Variants in DCHS1 observed in about 807,000 individuals in gnomAD.
DCHS1 encodes protocadherin-16.
In DCHS1, 78 loss-of-function variants were observed where a neutral mutation model predicts 213.9. The observed-to-expected ratio is 0.36, with a 90% CI of 0.30 to 0.44. DCHS1 has a LOEUF of 0.44. Ranked by LOEUF, DCHS1 falls within the 20% of genes least tolerant of loss-of-function variation. The pLI is 1.00. For synonymous variants in DCHS1, 1,828 were observed against 1,873.7 expected, an observed-to-expected ratio of 0.98 and a Z score of 0.63; for missense variants, 3,946 against 4,395.9, an observed-to-expected ratio of 0.90 and a Z score of 2.89.
At chr11:6,639,222 T>G (rs1453709986) in intron 2 of DCHS1, among the ~76,000 whole-genome samples, 1 of 152,212 alleles carries the variant, frequency 6.6e-6, no homozygotes, top group Non-Finnish European at 1.5e-5. Context: ...TCCAGTTTCA[T>G]GTTCCCTCCA....
At position 6,623,038 on chromosome 11, in the gene DCHS1, C is replaced by T. The variant is rs1383439621; in HGVS notation, c.8638G>A (p.Gly2880Arg). 80 of 1,574,284 alleles carry T rather than the reference C, an allele frequency of 5.1e-5. No individual in the cohort carries two copies. The highest frequency in any genetic ancestry group is 3.3e-4 in the Middle Eastern group (2 of 6,032). ...CCCCCACCCCCAGAGGTGGCTGTTCCGCTGCCTGGTGCCCGACTGTCCACC... is the reference window on the plus strand; with the variant it reads ...CCCCCACCCCCAGAGGTGGCTGTTCTGCTGCCTGGTGCCCGACTGTCCACC... Reference protein sequence around the residue: ...LRVDSRAPGSGTATSGGGGRT... With the variant: ...LRVDSRAPGSRTATSGGGGRT... The change falls in exon 21 of 21, where the codon GGA becomes AGA. Residue 2880 changes from glycine (G) to arginine (R), a missense_variant. Gly to Arg is a moderately radical substitution (Grantham distance 125, BLOSUM62 -2). This residue lies in a region of DCHS1 where 554 missense variants were observed against 590.2 expected (regional missense o/e 0.94). Coordinates refer to ENST00000299441, the MANE Select transcript of DCHS1 (RefSeq NM_003737.4).
rs532362682 is a variant in DCHS1 at position 6,652,997 on chromosome 11, A to C, written c.-121+2566T>G. Among the ~76,000 whole-genome samples the C allele has an allele frequency of 3.3e-5, 5 of 152,300 alleles. No individual in the cohort carries two copies. The East Asian group carries it at 9.6e-4, about 29-fold the overall frequency. Reference sequence around the variant, plus strand: ...CTCAGGCTCTTTCTCCAGTCTCCACATGGCTGTCAGAGTGGTATTTCTAAA... The same window carrying C: ...CTCAGGCTCTTTCTCCAGTCTCCACCTGGCTGTCAGAGTGGTATTTCTAAA... On this transcript the variant is annotated intron_variant, in intron 1 of 20. Transcript: ENST00000299441.
At position 6,625,144 on chromosome 11, in the gene DCHS1, C is replaced by T. The variant is rs1589953373; in HGVS notation, c.7146+54G>A. 1.3e-6 allele frequency: 2 copies of T among 1,530,050 alleles called. 1 individual carries two copies. The highest frequency in any genetic ancestry group is 3.6e-4 in the Middle Eastern group (2 of 5,624). The allele number at this position is 1,530,050 out of a possible 1,614,324, so 94.8% of individuals were successfully genotyped here. ...AGCAGCTGCTAGCTCTGATACTTCC[C>T]TCCAACAGGAACAACCCAGGCCCAG... On this transcript the variant is annotated intron_variant, in intron 19 of 20. Transcript: ENST00000299441. The surrounding 1 kb of genome is among the most constrained non-coding windows in gnomAD (Gnocchi z 5.3).
rs780563697 is a variant in DCHS1 at position 6,632,711 on chromosome 11, A to C, written c.2801T>G (p.Leu934Arg). ...GGTGAAGGCTCCACCACCCCCAGCA[A>C]GCAGGGTAAAGGTGACTCGACTGTT... ...GVNSRVTFTLLAGGGGAFTVD... is the reference protein window; with the variant it reads ...GVNSRVTFTLRAGGGGAFTVD... The change falls in exon 6 of 21, where the codon CTT becomes CGT. Residue 934 changes from leucine to arginine, a missense_variant. Physicochemically the swap from Leu to Arg is moderately radical, Grantham distance 102. Transcript: ENST00000299441. This position sits in a 1 kb window ranked among gnomAD's most constrained non-coding sequence, Gnocchi z 5.9. The C allele has an allele frequency of 6.3e-7, 1 of 1,597,936 alleles. No homozygotes were observed.
In DCHS1 at chr11:6,641,820, T is replaced by G; in HGVS notation, c.-120-87A>C. The G allele has an allele frequency of 8.8e-7, 1 of 1,130,932 alleles. No individual in the cohort carries two copies. 70.1% of individuals were successfully genotyped at this position (1,130,932 alleles called of 1,614,324 possible). A position where few individuals can be genotyped will look rare whatever the true frequency, so the allele number is the denominator to read the frequency against. ...GGACGAGGCCACATCAACATTCAGA[T>G]ATGCTCAGCCCCCAGCAGGCCCTTG... On this transcript the variant is annotated intron_variant, in intron 1 of 20. Coordinates refer to ENST00000299441, the MANE Select transcript of DCHS1 (RefSeq NM_003737.4). The surrounding 1 kb of genome is among the most constrained non-coding windows in gnomAD (Gnocchi z 7.1).
chr11:6,631,843 G>A, intron 6 of DCHS1, 34 bp from the exon 7 acceptor site: 1 of 1,501,196 alleles, frequency 6.7e-7, no homozygotes, highest in African/African-American at 1.4e-5. Flanking sequence ...TGTACGAGAT[G>A]TTTAAGGATG....
At chr11:6,631,260 G>C in intron 8 of DCHS1, 50 bp from the exon 9 acceptor site, 1 of 1,613,838 alleles carries the variant, frequency 6.2e-7, no homozygotes, top group Non-Finnish European at 8.5e-7. Flanking sequence ...AGCTGGGCAG[G>C]CCATGAGGGC....
chr11:6,631,922 C>A (rs1320941566), intron 6 of DCHS1, 109 bp downstream of exon 6: 27 of 1,448,892 alleles, frequency 1.9e-5, no homozygotes, highest in Non-Finnish European at 2.5e-5. Context: ...AGGGCTAAAT[C>A]CTCATTCTCA....
At position 6,629,530 on chromosome 11, in the gene DCHS1, A is replaced by T. The variant is rs374733838; in HGVS notation, c.5083T>A (p.Ser1695Thr). 2 of 1,613,478 alleles carry T rather than the reference A, an allele frequency of 1.2e-6. No individual in the cohort carries two copies. Among genetic ancestry groups the T allele is most frequent in the African/African-American group, 2.7e-5 (2 of 74,932 alleles). ...AGAACACCAGTGTCAGGATCCAGAG[A>T]AAAGCTTTCGCTAGAGACGCCTCCA... ...TYGGVSSESF[S>T]LDPDTGVLTT... The change falls in exon 12 of 21, where the codon TCT (serine) becomes ACT (threonine). Residue 1695 changes from serine (S) to threonine (T), a missense_variant. Ser to Thr is a moderately conservative substitution (Grantham distance 58). Coordinates refer to ENST00000299441, the MANE Select transcript of DCHS1 (RefSeq NM_003737.4).
In DCHS1 at chr11:6,653,250, A is replaced by G. The variant is rs139984676; in HGVS notation, c.-121+2313T>C. On this transcript the variant is annotated intron_variant, in intron 1 of 20. Coordinates refer to ENST00000299441, the MANE Select transcript of DCHS1 (RefSeq NM_003737.4). Reference sequence around the variant, plus strand: ...TATTTTCCTTCATGTGGGCTTTTACATGCTGCTCCCTTGGCTTGGCATATT... The same window carrying G: ...TATTTTCCTTCATGTGGGCTTTTACGTGCTGCTCCCTTGGCTTGGCATATT... Among the ~76,000 whole-genome samples, 353 of 152,218 alleles carry G rather than the reference A, an allele frequency of 2.3e-3. 1 individual carries two copies. Among genetic ancestry groups the G allele is most frequent in the Non-Finnish European group, 3.9e-3 (265 of 68,010 alleles).
rs1167959955 is a variant in DCHS1, at chr11:6,626,351, G to A, written c.6394C>T (p.Leu2132=). 1.2e-6 allele frequency: 2 copies of A among 1,613,500 alleles called. No homozygotes were observed. The highest frequency in any genetic ancestry group is 1.7e-6 in the Non-Finnish European group (2 of 1,179,738). ...GAITVRSAEG[L]DFEVSPRLRL... is the part of the protein sequence containing the mutation. The stretch of plus-strand genomic sequence containing the variant: ...AGCCGTGGACTCACCTCGAAGTCTA[G>A]CCCCTCTGCTGAGCGAACTGTGATG... The change falls in exon 16 of 21, where the codon CTA becomes TTA. Residue 2132 remains leucine (L), a synonymous_variant. Coordinates refer to ENST00000299441, the MANE Select transcript of DCHS1 (RefSeq NM_003737.4). The surrounding 1 kb of genome is among the most constrained non-coding windows in gnomAD (Gnocchi z 5.2).
intron 1 of DCHS1, among the ~76,000 whole-genome samples, chr11:6,642,096 A>C (rs1856086065): frequency 6.6e-6 from 1 of 152,056 alleles, no homozygotes; most frequent in South Asian, 2.1e-4. Flanking sequence ...ATAACCATGT[A>C]TTTGGTAACT....
chr11:6,623,457 C>T lies in DCHS1; in HGVS notation c.8219G>A (p.Arg2740Lys). 1 of 1,580,918 alleles carries T rather than the reference C, an allele frequency of 6.3e-7. No individual in the cohort carries two copies. The highest frequency in any genetic ancestry group is 8.6e-7 in the Non-Finnish European group (1 of 1,163,536). The change falls in exon 21 of 21, where the codon AGG (arginine) becomes AAG (lysine). Residue 2740 changes from arginine (R) to lysine (K), a missense_variant. Arg to Lys is a conservative substitution (Grantham distance 26, BLOSUM62 2). Around this residue, in one of 3 missense-constraint regions of DCHS1, gnomAD observed 3,384 missense variants for 3,780.1 expected, o/e 0.90. Coordinates refer to ENST00000299441, the MANE Select transcript of DCHS1 (RefSeq NM_003737.4). The part of the protein sequence containing the change: ...AIDGDAGAFG[R>K]LRYSLLEAGP... Reference sequence around the variant, plus strand: ...AGCCTCCAACAGGCTGTAACGGAGCCTCCCAAAAGCCCCAGCATCCCCGTC... The same window carrying T: ...AGCCTCCAACAGGCTGTAACGGAGCTTCCCAAAAGCCCCAGCATCCCCGTC...
At chr11:6,651,889 ATACAG>A (rs1856247697) in intron 1 of DCHS1, among the ~76,000 whole-genome samples, 2 of 151,974 alleles carry the variant, frequency 1.3e-5, no homozygotes, top group Non-Finnish European at 2.9e-5. Flanking sequence ...TCGGTGAGCT[ATACAG>A]TAAAGAGCAG....
chr11:6,631,575 C>T (rs545387501), intron 7 of DCHS1, 41 bp downstream of exon 7: 2 of 1,550,472 alleles, frequency 1.3e-6, no homozygotes, highest in Non-Finnish European at 1.7e-6. Flanking sequence ...TCCCCACTCC[C>T]TCTCACACTT....
rs1309607335 is a variant in DCHS1, at chr11:6,622,805, G to A, written c.8871C>T (p.Val2957=). The A allele has an allele frequency of 6.3e-7, 1 of 1,593,372 alleles. No individual in the cohort carries two copies. Residue 2957 remains valine, a synonymous_variant, in exon 21 of 21, where the codon GTC becomes GTT. Coordinates refer to ENST00000299441, the MANE Select transcript of DCHS1 (RefSeq NM_003737.4). The surrounding 1 kb of genome is among the most constrained non-coding windows in gnomAD (Gnocchi z 5.4). The part of the protein sequence containing the change: ...VVVVLALAAL[V]LGLVRARSRK... The stretch of plus-strand genomic sequence containing the variant: ...GGCTACGGGCCCGAACAAGTCCTAG[G>A]ACCAGGGCTGCCAGTGCAAGCACCA...
rs1231885514 is a variant in DCHS1, at chr11:6,627,541, G to A, written c.5498C>T (p.Pro1833Leu). The A allele has an allele frequency of 9.9e-6, 16 of 1,612,668 alleles. No individual in the cohort carries two copies. Among genetic ancestry groups the A allele is most frequent in the Non-Finnish European group, 1.4e-5 (16 of 1,179,614 alleles). Residue 1833 changes from proline to leucine, a missense_variant, in exon 14 of 21, where the codon CCA becomes CTA. Coordinates refer to ENST00000299441, the MANE Select transcript of DCHS1 (RefSeq NM_003737.4). The surrounding 1 kb of genome is among the most constrained non-coding windows in gnomAD (Gnocchi z 5.4). ...LRIEARDGGQ[P>L]ALSATLLLTV... ...CAAAAGCAGCGTGGCACTGAGAGCT[G>A]GCTGGCCTCCATCCCGGGCCTCTAT...
At chr11:6,648,643 G>T (rs1368501057) in intron 1 of DCHS1, among the ~76,000 whole-genome samples, 1 of 152,200 alleles carries the variant, frequency 6.6e-6, no homozygotes. Flanking sequence ...AGGCAGGACA[G>T]GATAGTGGTT....
chr11:6,629,176 C>T (rs988742619), intron 12 of DCHS1, among the ~76,000 whole-genome samples: 1 of 152,202 alleles, frequency 6.6e-6, no homozygotes, highest in African/African-American at 2.4e-5. Flanking sequence ...AAATGCTCCT[C>T]TGTTAAATGG....
Sources: gnomAD v4.1 joint callset for allele counts (sites outside exome capture counted in the v4.1 genomes callset) on GRCh38, gnomAD v4.1.1 for gene constraint, gnomAD v4.1.1 regional missense constraint, Gnocchi (gnomAD v3.1) non-coding constraint, MANE v1.5 for transcripts, NCBI Gene and HGNC (gene_info 2026-07-23, HGNC 2026-07-21) for gene names.